Variants in KMT2C observed in about 807,000 individuals in gnomAD.
KMT2C encodes the protein histone-lysine N-methyltransferase 2C.
Under a neutral mutation model 507.9 loss-of-function variants are expected in KMT2C, and 88 were observed. The ratio of observed to expected loss-of-function variants is 0.17; its 90% CI spans 0.15 to 0.21. The LOEUF is 0.21. Among genes scored for constraint, KMT2C ranks in the 10% least tolerant of loss-of-function variants. The pLI is 1.00. For synonymous variants in KMT2C, 2,049 were observed against 2,080.8 expected (o/e 0.98, Z 0.42); for missense variants, 4,954 against 5,957.8 (o/e 0.83, Z 5.55).
chr7:152,314,049 A>G (rs2096699294), intron 4 of KMT2C, among the ~76,000 whole-genome samples: 1 of 152,110 alleles, frequency 6.6e-6, no homozygotes, highest in Non-Finnish European at 1.5e-5. Context: ...AGATGTGTGT[A>G]CTCAACTGAC....
chr7:152,277,476 C>T (rs2096104393), intron 6 of KMT2C, among the ~76,000 whole-genome samples: 4 of 152,154 alleles, frequency 2.6e-5, no homozygotes. Flanking sequence ...TAAAAGCTAA[C>T]ATTTAATTAA....
intron 1 of KMT2C, among the ~76,000 whole-genome samples, chr7:152,369,603 G>A (rs923554735): frequency 6.6e-6 from 1 of 152,050 alleles, no homozygotes; most frequent in African/African-American, 2.4e-5. Context: ...GATTAATGTC[G>A]TTCTGAAAGG....
At chr7:152,305,991 A>G (rs964689097) in intron 6 of KMT2C, among the ~76,000 whole-genome samples, 1 of 152,222 alleles carries the variant, frequency 6.6e-6, no homozygotes, top group African/African-American at 2.4e-5. Context: ...GGAAATACAC[A>G]TATTCAAATT....
chr7:152,148,946 C>T lies in KMT2C; in HGVS notation c.12981G>A (p.Val4327=). The part of the protein sequence containing the change: ...QVEAKPDELK[V]TVKLKPRLRA... ...TTAGCCGAGGCTTCAGCTTGACTGT[C>T]ACCTTCAGCTCATCTGGCTTGGCCT... The change falls in exon 52 of 59, where the codon GTG becomes GTA. Residue 4327 remains valine (V), a synonymous_variant. Transcript: ENST00000262189. The surrounding 1 kb of genome is among the most constrained non-coding windows in gnomAD (Gnocchi z 7.1). 19 of 1,609,224 alleles carry T rather than the reference C, an allele frequency of 1.2e-5. No individual in the cohort carries two copies. The highest frequency in any genetic ancestry group is 1.6e-5 in the Non-Finnish European group (19 of 1,177,606).
chr7:152,365,312 C>A (rs1378528484), intron 1 of KMT2C, among the ~76,000 whole-genome samples: 2 of 152,162 alleles, frequency 1.3e-5, no homozygotes, highest in Non-Finnish European at 1.5e-5. Context: ...AGTTCGAGAC[C>A]AGCCTGGCCA....
rs746833110 is a variant in KMT2C at position 152,311,970 on chromosome 7, T to G, written c.591-24A>C. 3.9e-6 allele frequency: 6 copies of G among 1,524,912 alleles called. No individual in the cohort carries two copies. The East Asian group carries it at 9.2e-5, about 23-fold the overall frequency. The allele number at this position is 1,524,912 out of a possible 1,614,324, so 94.5% of individuals were successfully genotyped here. On this transcript the variant is annotated intron_variant, in intron 4 of 58. Coordinates refer to ENST00000262189, the MANE Select transcript of KMT2C (RefSeq NM_170606.3). ...CTCTGAAAATAAAATAAAATAACTG[T>G]GAAAGTGAAAACAAGCAGAAAATTG...
At chr7:152,422,362 C>T (rs887757568) in intron 1 of KMT2C, among the ~76,000 whole-genome samples, 2 of 150,920 alleles carry the variant, frequency 1.3e-5, no homozygotes, top group African/African-American at 4.9e-5. Context: ...GGCTGAGGCA[C>T]GAGAATCGCT....
intron 1 of KMT2C, among the ~76,000 whole-genome samples, chr7:152,433,165 C>G (rs1187130162): frequency 6.6e-6 from 1 of 151,140 alleles, no homozygotes; most frequent in African/African-American, 2.4e-5. Context: ...AAAAAAAAGG[C>G]ATCTTCTCTA....
intron 39 of KMT2C, among the ~76,000 whole-genome samples, chr7:152,172,236 A>C (rs567034076): frequency 6.6e-6 from 1 of 152,198 alleles, no homozygotes; most frequent in Admixed American, 6.5e-5. Context: ...CTAACTCAAC[A>C]TATCACACTA....
At chr7:152,333,413 C>CA (rs2096902489) in intron 2 of KMT2C, among the ~76,000 whole-genome samples, 1 of 152,188 alleles carries the variant, frequency 6.6e-6, no homozygotes. Flanking sequence ...AGGCATGAGT[C>CA]ACTACTCCCA....
At chr7:152,142,289 TGA>T (rs2090648952) in intron 55 of KMT2C, among the ~76,000 whole-genome samples, 1 of 152,260 alleles carries the variant, frequency 6.6e-6, no homozygotes, top group Non-Finnish European at 1.5e-5. Context: ...GGGAAAATTC[TGA>T]ATAGTGTAAA....
chr7:152,324,428 A>C (rs2096805284), intron 3 of KMT2C, among the ~76,000 whole-genome samples: 1 of 151,896 alleles, frequency 6.6e-6, no homozygotes, highest in Non-Finnish European at 1.5e-5. Context: ...CTGTACTCAT[A>C]AATGTACAAT....
intron 1 of KMT2C, among the ~76,000 whole-genome samples, chr7:152,373,952 C>T (rs1435012394): frequency 6.6e-6 from 1 of 152,006 alleles, no homozygotes; most frequent in African/African-American, 2.4e-5. Flanking sequence ...AATTAATCAA[C>T]CTATAGAATA....
intron 14 of KMT2C, among the ~76,000 whole-genome samples, chr7:152,239,220 A>G (rs4024418): frequency 1.2e-4 from 17 of 147,200 alleles, no homozygotes; most frequent in Admixed American, 1.4e-4. Context: ...AACAACTATC[A>G]CTCTACTTAA....
Position 152,220,495 on chromosome 7 carries a change from T to C in KMT2C, c.3712+28A>G, listed in dbSNP as rs116271129. On this transcript the variant is annotated intron_variant, in intron 23 of 58. Coordinates refer to ENST00000262189, the MANE Select transcript of KMT2C (RefSeq NM_170606.3). ...TTATATGCTTTAATTCTTGCACACA[T>C]ATTTCATGGAAAATAAATTAGTATT... The C allele has an allele frequency of 1.2e-3, 1,850 of 1,485,632 alleles. 12 individuals are homozygous for C. The African/African-American group carries it at 0.022, about 18-fold the overall frequency. The allele number at this position is 1,485,632 out of a possible 1,614,324, so 92.0% of individuals were successfully genotyped here.
intron 6 of KMT2C, among the ~76,000 whole-genome samples, chr7:152,308,170 A>C (rs1011722035): frequency 6.6e-5 from 10 of 152,180 alleles, no homozygotes; most frequent in Admixed American, 3.3e-4. Flanking sequence ...ATGCTTACTC[A>C]TCTATGTAAA....
At chr7:152,313,973 C>A (rs2096698430) in intron 4 of KMT2C, among the ~76,000 whole-genome samples, 1 of 152,050 alleles carries the variant, frequency 6.6e-6, no homozygotes, top group African/African-American at 2.4e-5. Context: ...AAGATACAGC[C>A]TGATTCACTC....
intron 9 of KMT2C, among the ~76,000 whole-genome samples, chr7:152,261,360 T>C (rs558337945): frequency 3.3e-5 from 5 of 152,180 alleles, no homozygotes; most frequent in South Asian, 4.1e-4. Context: ...ATATGATAAA[T>C]TGATAGGAAC....
chr7:152,413,928 G>C (rs1442957237), intron 1 of KMT2C, among the ~76,000 whole-genome samples: 1 of 149,022 alleles, frequency 6.7e-6, no homozygotes, highest in Non-Finnish European at 1.5e-5. Context: ...GAAAATGTAT[G>C]AGGCCAGACG....
Sources: gnomAD v4.1 joint callset for allele counts (sites outside exome capture counted in the v4.1 genomes callset) on GRCh38, gnomAD v4.1.1 for gene constraint, Gnocchi (gnomAD v3.1) non-coding constraint, MANE v1.5 for transcripts, NCBI Gene and HGNC (gene_info 2026-07-23, HGNC 2026-07-21) for gene names.